Variants in TMEM94 observed in about 807,000 individuals in gnomAD.
TMEM94 encodes the protein ER Mg2+ ATPase.
Under a neutral mutation model 158.6 loss-of-function variants are expected in TMEM94, and 81 were observed. The ratio of observed to expected loss-of-function variants is 0.51; its 90% CI spans 0.43 to 0.61. The LOEUF is 0.61. TMEM94 is among the 20% of genes least tolerant of loss of function. The pLI, the probability that TMEM94 is intolerant of heterozygous loss-of-function variation, is 0.00. For synonymous variants in TMEM94, 751 were observed against 730.7 expected, an observed-to-expected ratio of 1.03 and a Z score of -0.45; for missense variants, 1,435 against 1,762.0, an observed-to-expected ratio of 0.81 and a Z score of 3.32.
At chr17:75,475,926 G>C (rs2050669856) in intron 2 of TMEM94, among the ~76,000 whole-genome samples, 1 of 152,188 alleles carries the variant, frequency 6.6e-6, no homozygotes, top group Non-Finnish European at 1.5e-5. Flanking sequence ...CCTGGCCTTG[G>C]GCTTTGCCTT....
chr17:75,492,985 C>T lies in TMEM94; in HGVS notation c.1969C>T (p.Arg657Cys), dbSNP rs187628114. 1.6e-4 allele frequency: 262 copies of T among 1,613,768 alleles called. 1 individual carries two copies. The highest frequency in any genetic ancestry group is 1.3e-4 in the Admixed American group (8 of 60,022). ...FKQENHLALY[R>C]LPSAETMKET... ...GCAGGAGAACCATCTGGCGCTGTAC[C>T]GCCTCCCCAGTGCCGAGACAATGAA... Residue 657 changes from arginine to cysteine, a missense_variant, in exon 16 of 32, where the codon CGC (arginine) becomes TGC (cysteine). Arg to Cys is a radical substitution (Grantham distance 180). This residue lies in a region of TMEM94 where 1,051 missense variants were observed against 1,254.4 expected (regional missense o/e 0.84). Transcript: ENST00000314256. The surrounding 1 kb of genome is among the most constrained non-coding windows in gnomAD (Gnocchi z 4.4).
chr17:75,491,019 TG>T lies in TMEM94; in HGVS notation c.1129-28del. On this transcript the variant is annotated intron_variant, in intron 11 of 31. Transcript: ENST00000314256. This position sits in a 1 kb window ranked among gnomAD's most constrained non-coding sequence, Gnocchi z 5.1. The stretch of plus-strand genomic sequence containing the variant: ...CAGGGAAATGAGGCTGAGCCCTAAA[TG>T]GCCTTGCAGACTTCCTCTCTCCCAC... 1 of 1,539,058 alleles carries T rather than the reference TG, an allele frequency of 6.5e-7. No homozygotes were observed. The highest frequency in any genetic ancestry group is 8.9e-7 in the Non-Finnish European group (1 of 1,124,302).
At chr17:75,497,686 A>G (rs1215056233) in intron 26 of TMEM94, 95 bp from the exon 27 acceptor site, 3 of 956,502 alleles carry the variant, frequency 3.1e-6, no homozygotes, top group Non-Finnish European at 5.0e-6. Flanking sequence ...ACCAGACTCG[A>G]CCTCACGCGC....
intron 2 of TMEM94, among the ~76,000 whole-genome samples, chr17:75,480,644 G>T (rs573791795): frequency 2.0e-5 from 3 of 152,348 alleles, no homozygotes; most frequent in African/African-American, 7.2e-5. Flanking sequence ...CCAAAGGAGG[G>T]ACACCTCCCT....
chr17:75,480,518 G>C (rs2051077063), intron 2 of TMEM94, among the ~76,000 whole-genome samples: 1 of 152,238 alleles, frequency 6.6e-6, no homozygotes, highest in Non-Finnish European at 1.5e-5. Flanking sequence ...CAAGAGAGCA[G>C]ATGATGGCCA....
In TMEM94 at chr17:75,492,892, AGGGC is replaced by A. The variant is rs750233382; in HGVS notation, c.1913-36_1913-33del. On this transcript the variant is annotated intron_variant, in intron 15 of 31. Coordinates refer to ENST00000314256, the MANE Select transcript of TMEM94 (RefSeq NM_014738.6). The surrounding 1 kb of genome is among the most constrained non-coding windows in gnomAD (Gnocchi z 4.4). ...TTAATGGACCTGGCAGGGTATTGCC[AGGGC>A]ATGGCCCTAAGTTCCTGTTCCCCGC... The A allele has an allele frequency of 1.3e-6, 2 of 1,595,346 alleles. No individual in the cohort carries two copies. Among genetic ancestry groups the A allele is most frequent in the South Asian group, 2.2e-5 (2 of 89,232 alleles).
Position 75,495,670 on chromosome 17 carries a change from G to A in TMEM94, c.2944+27G>A. ...TGAGTGCTGTGGCCATGGGTACTTGGGCAACCTGGTCCCGTCGGCTGAGCT... is the reference window on the plus strand; with the variant it reads ...TGAGTGCTGTGGCCATGGGTACTTGAGCAACCTGGTCCCGTCGGCTGAGCT... On this transcript the variant is annotated intron_variant, in intron 22 of 31. Transcript: ENST00000314256. This position sits in a 1 kb window ranked among gnomAD's most constrained non-coding sequence, Gnocchi z 5.6. The A allele has an allele frequency of 6.2e-7, 1 of 1,605,848 alleles. No individual in the cohort carries two copies. The highest frequency in any genetic ancestry group is 8.5e-7 in the Non-Finnish European group (1 of 1,173,626).
At position 75,492,182 on chromosome 17, in the gene TMEM94, T is replaced by C. The variant is rs962988702; in HGVS notation, c.1596+282T>C. The C allele has an allele frequency of 8.1e-7, 1 of 1,228,872 alleles. No homozygotes were observed. The highest frequency in any genetic ancestry group is 1.5e-5 in the African/African-American group (1 of 65,594). 76.1% of individuals were successfully genotyped at this position (1,228,872 alleles called of 1,614,324 possible). ...GGAGCTCCCTCTTAGAGATGTTCCC[T>C]GGCCACAGAAGATCCCTCAACTGTG... On this transcript the variant is annotated intron_variant, in intron 14 of 31. Transcript: ENST00000314256. The surrounding 1 kb of genome is among the most constrained non-coding windows in gnomAD (Gnocchi z 4.4).
chr17:75,486,470 C>T (rs774002687), intron 5 of TMEM94, 44 bp downstream of exon 5: 9 of 1,612,610 alleles, frequency 5.6e-6, no homozygotes, highest in East Asian at 4.5e-5. Flanking sequence ...GATGACCGGA[C>T]ATATCAGAGC....
chr17:75,485,541 G>C lies in TMEM94; in HGVS notation c.138G>C (p.Thr46=). The C allele has an allele frequency of 6.2e-7, 1 of 1,614,198 alleles. No individual in the cohort carries two copies. The highest frequency in any genetic ancestry group is 8.5e-7 in the Non-Finnish European group (1 of 1,180,006). Residue 46 remains threonine, a synonymous_variant, in exon 3 of 32, where the codon ACG becomes ACC. Coordinates refer to ENST00000314256, the MANE Select transcript of TMEM94 (RefSeq NM_014738.6). This position sits in a 1 kb window ranked among gnomAD's most constrained non-coding sequence, Gnocchi z 5.5. ...TCAGGGAGCGGAAGAAGTGTCTGAC[G>C]TGGAAGGTGAAGCTTCTTCTCGGGG... ...GHLRERKKCL[T]WKEVWRSSFL...
rs1567946602 is a variant in TMEM94 at position 75,488,061 on chromosome 17, G to A, written c.539G>A (p.Ser180Asn). The A allele has an allele frequency of 6.2e-7, 1 of 1,614,212 alleles. No homozygotes were observed. The highest frequency in any genetic ancestry group is 8.5e-7 in the Non-Finnish European group (1 of 1,180,034). ...RDGHLVNLPV[S>N]LLVEGDIIAL... ...GGACACCTGGTCAACCTGCCAGTCA[G>A]CCTGCTGGTTGAAGGAGACATCATA... The change falls in exon 6 of 32, where the codon AGC becomes AAC. Residue 180 changes from serine to asparagine, a missense_variant. Ser to Asn is a conservative substitution (Grantham distance 46, BLOSUM62 1). Coordinates refer to ENST00000314256, the MANE Select transcript of TMEM94 (RefSeq NM_014738.6).
chr17:75,490,453 C>A, intron 10 of TMEM94, 103 bp downstream of exon 10: 1 of 1,343,240 alleles, frequency 7.4e-7, no homozygotes, highest in Non-Finnish European at 1.0e-6. Flanking sequence ...TTGGGCTCGG[C>A]ATGTTGGTCA....
Position 75,495,699 on chromosome 17 carries a change from C to A in TMEM94, c.2944+56C>A. The A allele has an allele frequency of 6.5e-7, 1 of 1,535,104 alleles. No individual in the cohort carries two copies. The highest frequency in any genetic ancestry group is 9.0e-7 in the Non-Finnish European group (1 of 1,111,780). On this transcript the variant is annotated intron_variant, in intron 22 of 31. Transcript: ENST00000314256. This position sits in a 1 kb window ranked among gnomAD's most constrained non-coding sequence, Gnocchi z 5.6. ...ACCTGGTCCCGTCGGCTGAGCTCTG[C>A]CTGGGCCTGCGTACCCCGTGGGCTC...
In TMEM94 at chr17:75,485,174, A is replaced by T. The variant is rs982076476; in HGVS notation, c.25-254A>T. ...GGGAAAGTGAGTTGGGGAACATGGAATAAAAGAAAAAGTTGTTTTGTTTTT... is the reference window on the plus strand; with the variant it reads ...GGGAAAGTGAGTTGGGGAACATGGATTAAAAGAAAAAGTTGTTTTGTTTTT... On this transcript the variant is annotated intron_variant, in intron 2 of 31. Transcript: ENST00000314256. This position sits in a 1 kb window ranked among gnomAD's most constrained non-coding sequence, Gnocchi z 5.5. 1.3e-5 allele frequency among the ~76,000 whole-genome samples: 2 copies of T among 152,192 alleles called. No individual in the cohort carries two copies. Among genetic ancestry groups the T allele is most frequent in the Non-Finnish European group, 2.9e-5 (2 of 68,038 alleles).
At position 75,498,084 on chromosome 17, in the gene TMEM94, T is replaced by TTTA; in HGVS notation, c.3490-90_3490-88dup. On this transcript the variant is annotated intron_variant, in intron 27 of 31. Coordinates refer to ENST00000314256, the MANE Select transcript of TMEM94 (RefSeq NM_014738.6). The surrounding 1 kb of genome is among the most constrained non-coding windows in gnomAD (Gnocchi z 6.7). ...CTCCCTATCCCCCCAGGCCTGACCA[T>TTTA]TTACTAAGAGCCCGTTGAATACGTG... 1 of 1,547,050 alleles carries TTTA rather than the reference T, an allele frequency of 6.5e-7. No individual in the cohort carries two copies. The highest frequency in any genetic ancestry group is 8.8e-7 in the Non-Finnish European group (1 of 1,134,376).
intron 1 of TMEM94, among the ~76,000 whole-genome samples, chr17:75,461,161 G>A (rs2050054065): frequency 7.3e-6 from 1 of 136,642 alleles, no homozygotes; most frequent in Non-Finnish European, 1.5e-5. Flanking sequence ...GTGCAGTGGT[G>A]TGGTCTCAAC....
In TMEM94 at chr17:75,487,898, G is replaced by A. The variant is rs1377205843; in HGVS notation, c.410-34G>A. ...CTGACTGGGGGGCAGGGCCGTGGCT[G>A]AGAGGGTTGTTTCCCTCTTTCCATT... On this transcript the variant is annotated intron_variant, in intron 5 of 31. Coordinates refer to ENST00000314256, the MANE Select transcript of TMEM94 (RefSeq NM_014738.6). This position sits in a 1 kb window ranked among gnomAD's most constrained non-coding sequence, Gnocchi z 4.6. The A allele has an allele frequency of 6.4e-7, 1 of 1,561,422 alleles. No individual in the cohort carries two copies.
intron 9 of TMEM94, 78 bp from the exon 10 acceptor site, chr17:75,490,156 G>A (rs951018655): frequency 1.9e-6 from 3 of 1,556,456 alleles, no homozygotes; most frequent in African/African-American, 2.7e-5. Flanking sequence ...AATGGCCGTG[G>A]GGCCAGGGCA....
At chr17:75,465,356 T>C (rs888598200) in intron 1 of TMEM94, among the ~76,000 whole-genome samples, 12 of 152,052 alleles carry the variant, frequency 7.9e-5, no homozygotes, top group African/African-American at 2.9e-4. Flanking sequence ...ATTAATGTTG[T>C]TGACCATCTT....
Sources: gnomAD v4.1 joint callset for allele counts (sites outside exome capture counted in the v4.1 genomes callset) on GRCh38, gnomAD v4.1.1 for gene constraint, gnomAD v4.1.1 regional missense constraint, Gnocchi (gnomAD v3.1) non-coding constraint, MANE v1.5 for transcripts, NCBI Gene and HGNC (gene_info 2026-07-23, HGNC 2026-07-21) for gene names.